Variants in CD38 observed in about 807,000 individuals in gnomAD.
The protein encoded by CD38 is CD38 molecule.
A neutral mutation model predicts 36.3 loss-of-function variants in CD38; 31 were observed. That is an observed-to-expected ratio of 0.85 (90% CI 0.64 to 1.15). The LOEUF is 1.15. CD38 is among the 50% of genes most tolerant of loss of function. The probability of loss-of-function intolerance (pLI) is 0.00; values close to 1 mark genes in which losing one functional copy is unlikely to be tolerated. For synonymous variants in CD38, 131 were observed against 135.2 expected (o/e 0.97, Z 0.22); for missense variants, 380 against 371.9 (o/e 1.02, Z -0.18).
chr4:15,812,559 G>C (rs762666627), intron 1 of CD38, among the ~76,000 whole-genome samples: 1 of 152,170 alleles, frequency 6.6e-6, no homozygotes, highest in African/African-American at 2.4e-5. Flanking sequence ...AAAAAACTGG[G>C]CATGGTGGCA....
At chr4:15,834,423 AT>A (rs1488882650) in intron 4 of CD38, 121 bp downstream of exon 4, 5 of 662,880 alleles carry the variant, frequency 7.5e-6, no homozygotes, top group Non-Finnish European at 1.3e-5. Context: ...AAAATATAGG[AT>A]TCATTCCTGA....
chr4:15,798,515 C>T lies in CD38; in HGVS notation c.234-17996C>T, dbSNP rs1415199830. On this transcript the variant is annotated intron_variant, in intron 1 of 7. Coordinates refer to ENST00000226279, the MANE Select transcript of CD38 (RefSeq NM_001775.4). Reference sequence around the variant, plus strand: ...GCCAGAATTGGGCCACACGGTTACCCAAAGGTATAAAAGAGGCTTGAGAAG... The same window carrying T: ...GCCAGAATTGGGCCACACGGTTACCTAAAGGTATAAAAGAGGCTTGAGAAG... Among the ~76,000 whole-genome samples the T allele has an allele frequency of 2.6e-5, 4 of 152,126 alleles. No individual in the cohort carries two copies. In the East Asian group the frequency reaches 7.7e-4, roughly 29 times the overall value.
intron 3 of CD38, among the ~76,000 whole-genome samples, chr4:15,826,693 C>G (rs141807273): frequency 6.6e-6 from 1 of 151,748 alleles, no homozygotes; most frequent in Admixed American, 6.6e-5. Context: ...ATCACTTGAG[C>G]CCAGTAGTTT....
At chr4:15,826,457 G>GCACACA (rs1491148359) in intron 3 of CD38, among the ~76,000 whole-genome samples, 1 of 89,424 alleles carries the variant, frequency 1.1e-5, no homozygotes, top group Non-Finnish European at 2.1e-5. Flanking sequence ...ACACTTTTGT[G>GCACACA]CGCACACACA....
At chr4:15,803,398 A>G (rs1723270757) in intron 1 of CD38, among the ~76,000 whole-genome samples, 1 of 152,354 alleles carries the variant, frequency 6.6e-6, no homozygotes, top group Non-Finnish European at 1.5e-5. Flanking sequence ...AGGAATTAAT[A>G]TCTAGAATAT....
chr4:15,796,710 T>C (rs1233274385), intron 1 of CD38, among the ~76,000 whole-genome samples: 1 of 152,186 alleles, frequency 6.6e-6, no homozygotes, highest in Non-Finnish European at 1.5e-5. Context: ...AGAAATATTC[T>C]CTGCATATAT....
chr4:15,789,718 C>T (rs1451760553), intron 1 of CD38, among the ~76,000 whole-genome samples: 1 of 151,856 alleles, frequency 6.6e-6, no homozygotes, highest in Non-Finnish European at 1.5e-5. Context: ...ATGGGTTATC[C>T]TTGGAATGAA....
intron 5 of CD38, among the ~76,000 whole-genome samples, chr4:15,839,796 A>G (rs1431808806): frequency 6.6e-6 from 1 of 152,160 alleles, no homozygotes; most frequent in African/African-American, 2.4e-5. Context: ...TCAAATAGCA[A>G]ATATTTAAAG....
At chr4:15,812,687 G>A (rs890303480) in intron 1 of CD38, among the ~76,000 whole-genome samples, 5 of 152,100 alleles carry the variant, frequency 3.3e-5, no homozygotes, top group Admixed American at 6.5e-5. Flanking sequence ...GCAACAGGGC[G>A]AGATTCTGTC....
chr4:15,840,563 A>T, intron 7 of CD38, 25 bp downstream of exon 7: 2 of 1,317,650 alleles, frequency 1.5e-6, no homozygotes, highest in Non-Finnish European at 2.2e-6. Flanking sequence ...CTTGAAGAAA[A>T]AAATGACTGT....
At chr4:15,839,912 C>A in intron 5 of CD38, 114 bp from the exon 6 acceptor site, 3 of 722,016 alleles carry the variant, frequency 4.2e-6, no homozygotes, top group Non-Finnish European at 7.6e-6. Flanking sequence ...TTTGATGTGT[C>A]AACTCTAAAG....
At chr4:15,825,176 A>G in intron 3 of CD38, 160 bp downstream of exon 3, 2 of 627,392 alleles carry the variant, frequency 3.2e-6, no homozygotes, top group Non-Finnish European at 5.3e-6. Flanking sequence ...CTATTAAGGA[A>G]TACCTGAGGC....
At position 15,852,931 on chromosome 4, in the gene CD38, C is replaced by T. The variant is rs998290382; in HGVS notation, c.*4329C>T. 6.6e-6 allele frequency: 1 copy of T among 152,066 alleles called. No homozygotes were observed. Among genetic ancestry groups the T allele is most frequent in the Non-Finnish European group, 1.5e-5 (1 of 68,090 alleles). 9.4% of individuals were successfully genotyped at this position (152,066 alleles called of 1,614,324 possible). ...GTTCACGCCATTCTCCTGCCTCAGCCTCCCAAGTAGCTGGGACTGCAGGCG... is the reference window on the plus strand; with the variant it reads ...GTTCACGCCATTCTCCTGCCTCAGCTTCCCAAGTAGCTGGGACTGCAGGCG... On this transcript the variant is annotated 3_prime_UTR_variant, in exon 8 of 8. Coordinates refer to ENST00000226279, the MANE Select transcript of CD38 (RefSeq NM_001775.4).
intron 7 of CD38, among the ~76,000 whole-genome samples, chr4:15,847,853 G>A (rs1215538224): frequency 6.6e-6 from 1 of 152,104 alleles, no homozygotes; most frequent in Non-Finnish European, 1.5e-5. Context: ...TAGGCTCCAA[G>A]TGAGCTCACT....
chr4:15,836,025 T>C (rs997493814), intron 4 of CD38, among the ~76,000 whole-genome samples: 10 of 152,308 alleles, frequency 6.6e-5, no homozygotes, highest in African/African-American at 2.4e-4. Flanking sequence ...TGAGTAACAA[T>C]ACACTAATTA....
chr4:15,841,110 T>C lies in CD38; in HGVS notation c.839+572T>C, dbSNP rs900383265. On this transcript the variant is annotated intron_variant, in intron 7 of 7. Transcript: ENST00000226279. Reference sequence around the variant, plus strand: ...TTAGAAAACAGTTTAAAATTACAGATAGATATATATTTTTTAAAGTCACAT... The same window carrying C: ...TTAGAAAACAGTTTAAAATTACAGACAGATATATATTTTTTAAAGTCACAT... Among the ~76,000 whole-genome samples, 4 of 152,196 alleles carry C rather than the reference T, an allele frequency of 2.6e-5. No individual in the cohort carries two copies. The East Asian group carries it at 7.7e-4, about 29-fold the overall frequency.
At chr4:15,806,548 G>A (rs925765278) in intron 1 of CD38, among the ~76,000 whole-genome samples, 11 of 152,178 alleles carry the variant, frequency 7.2e-5, no homozygotes, top group African/African-American at 2.4e-4. Context: ...GGTGGTGAAT[G>A]CTCTTTGGTG....
intron 1 of CD38, among the ~76,000 whole-genome samples, chr4:15,810,424 T>A (rs532662061): frequency 6.6e-5 from 10 of 152,138 alleles, no homozygotes; most frequent in Non-Finnish European, 1.3e-4. Flanking sequence ...AAGATGCTGC[T>A]AAGGAAAGAT....
intron 4 of CD38, among the ~76,000 whole-genome samples, chr4:15,835,290 A>G (rs72616188): frequency 0.06 from 8,861 of 147,832 alleles, 356 homozygotes; most frequent in East Asian, 0.18. Flanking sequence ...GTATTTAACC[A>G]TCTGTTTCTG....
Sources: gnomAD v4.1 joint callset for allele counts (sites outside exome capture counted in the v4.1 genomes callset) on GRCh38, gnomAD v4.1.1 for gene constraint, MANE v1.5 for transcripts, NCBI Gene and HGNC (gene_info 2026-07-23, HGNC 2026-07-21) for gene names.